The following PTPN18 variants were observed in gnomAD, a reference collection of about 807,000 sequenced individuals.
PTPN18 encodes the protein protein tyrosine phosphatase non-receptor type 18.
In PTPN18, 65 loss-of-function variants were observed where a neutral mutation model predicts 65.4. The ratio of observed to expected loss-of-function variants is 0.99; its 90% CI spans 0.81 to 1.22. The LOEUF (loss-of-function observed/expected upper bound fraction) is 1.22, where lower values mean the gene tolerates loss of function less well. Among genes scored for constraint, PTPN18 ranks in the 50% most tolerant of loss-of-function variants. PTPN18 has a pLI of 0.00. For missense variants in PTPN18, 616 were observed against 646.5 expected (o/e 0.95, Z 0.51); for synonymous variants, 255 against 267.8 (o/e 0.95, Z 0.47).
intron 13 of PTPN18, 52 bp from the exon 14 acceptor site, chr2:130,372,821 G>C: frequency 1.3e-6 from 2 of 1,599,976 alleles, no homozygotes; most frequent in Non-Finnish European, 1.7e-6. Flanking sequence ...GTGGGGTCTT[G>C]GGACTCCCTG....
intron 13 of PTPN18, 186 bp downstream of exon 13, chr2:130,372,669 C>T (rs757904226): frequency 3.1e-6 from 3 of 983,222 alleles, no homozygotes; most frequent in Non-Finnish European, 4.3e-6. Context: ...CGGTCGCAGT[C>T]GCGGTCCAGG....
At position 130,371,086 on chromosome 2, in the gene PTPN18, C is replaced by T. The variant is rs372866850; in HGVS notation, c.925-113C>T. ...GCACTGACTATGACATCCACCTGTG[C>T]CCTCCTCCAGGCATCCTTATCAGGC... On this transcript the variant is annotated intron_variant, in intron 11 of 14. Coordinates refer to ENST00000175756, the MANE Select transcript of PTPN18 (RefSeq NM_014369.4). 75 of 1,369,508 alleles carry T rather than the reference C, an allele frequency of 5.5e-5. 2 individuals carry two copies. In the East Asian group the frequency reaches 1.1e-3, roughly 21 times the overall value. 84.8% of individuals were successfully genotyped at this position (1,369,508 alleles called of 1,614,324 possible). A position where few individuals can be genotyped will look rare whatever the true frequency, so the allele number is the denominator to read the frequency against.
rs181126158 is a variant in PTPN18, at chr2:130,361,670, C to T, written c.414+2024C>T. Among the ~76,000 whole-genome samples the T allele has an allele frequency of 5.5e-3, 842 of 152,006 alleles. 5 individuals carry two copies. Among genetic ancestry groups the T allele is most frequent in the African/African-American group, 0.019 (768 of 41,404 alleles). ...TGGCGCGATCTTGGCTCACTGCAAC[C>T]TTTGCCTCCCAGGTTCAAGCGATTC... On this transcript the variant is annotated intron_variant, in intron 5 of 14. Coordinates refer to ENST00000175756, the MANE Select transcript of PTPN18 (RefSeq NM_014369.4).
intron 1 of PTPN18, 72 bp from the exon 2 acceptor site, chr2:130,358,795 G>T: frequency 7.7e-7 from 1 of 1,292,006 alleles, no homozygotes; most frequent in African/African-American, 1.5e-5. Context: ...GCGTGCCTAG[G>T]TGGCCTGGGA....
In PTPN18 at chr2:130,373,489, TGAAGGGGAG is replaced by T; in HGVS notation, c.*266_*274del. Reference sequence around the variant, plus strand: ...AGGAAGGGGCATGACCCCTGAGTTATGAAGGGGAGAAGGGACAGATGAGCTTCCGGAGAC... The same window carrying T: ...AGGAAGGGGCATGACCCCTGAGTTATAAGGGACAGATGAGCTTCCGGAGAC... On this transcript the variant is annotated 3_prime_UTR_variant, in exon 15 of 15. Transcript: ENST00000175756. The surrounding 1 kb of genome is among the most constrained non-coding windows in gnomAD (Gnocchi z 4.1). The T allele has an allele frequency of 2.8e-6, 1 of 356,432 alleles. No homozygotes were observed. The highest frequency in any genetic ancestry group is 4.5e-5 in the Admixed American group (1 of 22,314). 22.1% of individuals were successfully genotyped at this position (356,432 alleles called of 1,614,324 possible). A position where few individuals can be genotyped will look rare whatever the true frequency, so the allele number is the denominator to read the frequency against.
chr2:130,366,146 A>C (rs373310841), intron 5 of PTPN18, among the ~76,000 whole-genome samples: 1 of 152,342 alleles, frequency 6.6e-6, no homozygotes, highest in Admixed American at 6.5e-5. Flanking sequence ...GGTGGCCTCT[A>C]GAAACCTAGG....
chr2:130,369,743 T>C (rs1441447173), intron 6 of PTPN18, 22 bp from the exon 7 acceptor site: 1 of 1,553,806 alleles, frequency 6.4e-7, no homozygotes, highest in Non-Finnish European at 8.8e-7. Context: ...CTCTTCTTAC[T>C]TGCCCCACCC....
chr2:130,371,777 G>C (rs760614890), intron 12 of PTPN18, among the ~76,000 whole-genome samples: 1 of 152,130 alleles, frequency 6.6e-6, no homozygotes, highest in Admixed American at 6.5e-5. Context: ...ATCGCACCAC[G>C]GCAGTCCAGC....
At chr2:130,369,985 G>A in intron 7 of PTPN18, 63 bp from the exon 8 acceptor site, 9 of 1,596,770 alleles carry the variant, frequency 5.6e-6, no homozygotes, top group Non-Finnish European at 7.7e-6. Flanking sequence ...TATAGTAGAT[G>A]GCCAATTAAT....
intron 5 of PTPN18, among the ~76,000 whole-genome samples, chr2:130,365,314 C>T (rs1680345603): frequency 6.6e-6 from 1 of 152,160 alleles, no homozygotes; most frequent in Non-Finnish European, 1.5e-5. Context: ...TATATGCCAT[C>T]CTAATGAGTG....
rs938779018 is a variant in PTPN18, at chr2:130,369,896, T to C, written c.546+69T>C. On this transcript the variant is annotated intron_variant, in intron 7 of 14. Coordinates refer to ENST00000175756, the MANE Select transcript of PTPN18 (RefSeq NM_014369.4). ...GGAGAGGTTTCCTCTCCTGTAAAAA[T>C]GGGCATCATACTAGTACCCACTTCC... 4 of 1,538,688 alleles carry C rather than the reference T, an allele frequency of 2.6e-6. No individual in the cohort carries two copies. In the African/African-American group the frequency reaches 5.5e-5, roughly 21 times the overall value.
chr2:130,366,262 A>G (rs1680377218), intron 5 of PTPN18, among the ~76,000 whole-genome samples: 1 of 152,222 alleles, frequency 6.6e-6, no homozygotes, highest in Non-Finnish European at 1.5e-5. Flanking sequence ...GGTACAGGCT[A>G]GGCAGAGTGT....
At position 130,359,267 on chromosome 2, in the gene PTPN18, G is replaced by A. The variant is rs141173850; in HGVS notation, c.237G>A (p.Gln79=). The change falls in exon 3 of 15, where the codon CAG becomes CAA. Residue 79 remains glutamine, a synonymous_variant. Coordinates refer to ENST00000175756, the MANE Select transcript of PTPN18 (RefSeq NM_014369.4). Reference sequence around the variant, plus strand: ...CGCGAGTAATCCTCTCCCTGCTCCAGGAAGAGGGACACAGCGACTACATTA... The same window carrying A: ...CGCGAGTAATCCTCTCCCTGCTCCAAGAAGAGGGACACAGCGACTACATTA... ...DQTRVILSLL[Q]EEGHSDYING... The A allele has an allele frequency of 1.2e-6, 2 of 1,614,156 alleles. No homozygotes were observed. The highest frequency in any genetic ancestry group is 1.7e-6 in the Non-Finnish European group (2 of 1,180,030).
Position 130,369,175 on chromosome 2 carries a change from C to T in PTPN18, c.457C>T (p.Gln153Ter). ...CTGGGCCCAGGAGCAGGAGCCACTG[C>T]AGACTGGGCTTTTCTGCATCACTCT... The part of the protein sequence containing the change: ...RYWAQEQEPL[Q>*]TGLFCITLIK... Residue 153 changes from glutamine (Q) to a stop codon, truncating the protein, a stop_gained, in exon 6 of 15, where the codon CAG becomes TAG. Coordinates refer to ENST00000175756, the MANE Select transcript of PTPN18 (RefSeq NM_014369.4). LOFTEE classifies it high-confidence loss of function. 6.2e-7 allele frequency: 1 copy of T among 1,613,442 alleles called. No individual in the cohort carries two copies. Among genetic ancestry groups the T allele is most frequent in the Non-Finnish European group, 8.5e-7 (1 of 1,179,656 alleles).
chr2:130,373,142 C>T lies in PTPN18; in HGVS notation c.1316-15C>T, dbSNP rs199922290. ...CAGCTTCTCCATGAGACCCACGGCA[C>T]CCTTCTTCTCCCAGGTTTCAACCTG... On this transcript the variant is annotated splice_polypyrimidine_tract_variant and intron_variant, in intron 14 of 14. Transcript: ENST00000175756. This position sits in a 1 kb window ranked among gnomAD's most constrained non-coding sequence, Gnocchi z 4.1. 66 of 1,565,024 alleles carry T rather than the reference C, an allele frequency of 4.2e-5. No individual in the cohort carries two copies. The highest frequency in any genetic ancestry group is 1.9e-5 in the Admixed American group (1 of 52,938).
chr2:130,356,074 G>T lies in PTPN18; in HGVS notation c.-34G>T. 8.2e-7 allele frequency: 1 copy of T among 1,216,756 alleles called. No individual in the cohort carries two copies. The highest frequency in any genetic ancestry group is 1.0e-6 in the Non-Finnish European group (1 of 974,310). 75.4% of individuals were successfully genotyped at this position (1,216,756 alleles called of 1,614,324 possible). A position where few individuals can be genotyped will look rare whatever the true frequency, so the allele number is the denominator to read the frequency against. On this transcript the variant is annotated 5_prime_UTR_variant, in exon 1 of 15. Coordinates refer to ENST00000175756, the MANE Select transcript of PTPN18 (RefSeq NM_014369.4). ...GGCGTCCACACTCGCCGCGCGCGCG[G>T]CGGCCGGGCTGGACCTTGCTGGCCC...
Position 130,372,375 on chromosome 2 carries a change from ACGGG to A in PTPN18, c.1133_1136del (p.Thr378ArgfsTer14). 1.5e-6 allele frequency: 2 copies of A among 1,314,262 alleles called. No homozygotes were observed. Among genetic ancestry groups the A allele is most frequent in the Non-Finnish European group, 1.9e-6 (2 of 1,030,414 alleles). 81.4% of individuals were successfully genotyped at this position (1,314,262 alleles called of 1,614,324 possible). On this transcript the variant is annotated frameshift_variant, in exon 13 of 15. Transcript: ENST00000175756. LOFTEE classifies it high-confidence loss of function. ...GACGCAGACGGGGACGGGGACGGGG[ACGGG>A]GGCGCGCAGCGCGGAGGAGGCGCCG... is the stretch of plus-strand genomic sequence containing the variant.
Position 130,371,342 on chromosome 2 carries a change from T to A in PTPN18, c.1013+55T>A, listed in dbSNP as rs900598682. The A allele has an allele frequency of 2.6e-5, 37 of 1,422,526 alleles. No individual in the cohort carries two copies. In the Admixed American group the frequency reaches 6.6e-4, roughly 25 times the overall value. 88.1% of individuals were successfully genotyped at this position (1,422,526 alleles called of 1,614,324 possible). A position where few individuals can be genotyped will look rare whatever the true frequency, so the allele number is the denominator to read the frequency against. On this transcript the variant is annotated intron_variant, in intron 12 of 14. Transcript: ENST00000175756. ...TGCCCAATTTCTCAGGCTAACCCCT[T>A]CTTCATCCTTGGAACACCAGTCCGT...
chr2:130,371,098 C>G (rs1411826143), intron 11 of PTPN18, 101 bp from the exon 12 acceptor site: 1 of 1,371,152 alleles, frequency 7.3e-7, no homozygotes, highest in Non-Finnish European at 1.0e-6. Context: ...CTCCTCCAGG[C>G]ATCCTTATCA....
Sources: gnomAD v4.1 joint callset for allele counts (sites outside exome capture counted in the v4.1 genomes callset) on GRCh38, gnomAD v4.1.1 for gene constraint, Gnocchi (gnomAD v3.1) non-coding constraint, MANE v1.5 for transcripts, NCBI Gene and HGNC (gene_info 2026-07-23, HGNC 2026-07-21) for gene names.